Variants in CSMD3 observed in about 807,000 individuals in gnomAD.
CSMD3 encodes CUB and sushi domain-containing protein 3.
Under a neutral mutation model 435.2 loss-of-function variants are expected in CSMD3, and 177 were observed. The ratio of observed to expected loss-of-function variants is 0.41; its 90% CI spans 0.36 to 0.46. The LOEUF (loss-of-function observed/expected upper bound fraction) is 0.46, where lower values mean the gene tolerates loss of function less well. CSMD3 is among the 20% of genes least tolerant of loss of function. The pLI is 0.34. For missense variants in CSMD3, 4,265 were observed against 4,504.6 expected, an observed-to-expected ratio of 0.95 and a Z score of 1.52; for synonymous variants, 1,656 against 1,520.5, an observed-to-expected ratio of 1.09 and a Z score of -2.07.
At chr8:113,059,796 C>T (rs1587987201) in intron 5 of CSMD3, among the ~76,000 whole-genome samples, 1 of 152,066 alleles carries the variant, frequency 6.6e-6, no homozygotes, top group African/African-American at 2.4e-5. Context: ...GCTACTTTTG[C>T]TTCTGGGTGT....
chr8:113,377,885 T>G (rs1022405312), intron 1 of CSMD3, among the ~76,000 whole-genome samples: 9 of 152,184 alleles, frequency 5.9e-5, no homozygotes, highest in African/African-American at 2.2e-4. Flanking sequence ...AAAATATATT[T>G]TCTAAAAAAT....
At chr8:113,282,164 A>C (rs934002074) in intron 2 of CSMD3, among the ~76,000 whole-genome samples, 6 of 152,020 alleles carry the variant, frequency 3.9e-5, no homozygotes, top group Non-Finnish European at 1.5e-5. Context: ...GAGAACTGGA[A>C]CAAGACAAGG....
At chr8:112,461,417 T>C (rs993438935) in intron 32 of CSMD3, among the ~76,000 whole-genome samples, 7 of 152,138 alleles carry the variant, frequency 4.6e-5, no homozygotes, top group Non-Finnish European at 1.0e-4. Flanking sequence ...TATATTAATA[T>C]ATATGTATAA....
intron 4 of CSMD3, among the ~76,000 whole-genome samples, chr8:113,145,346 CA>C (rs1409260370): frequency 6.6e-6 from 1 of 151,488 alleles, no homozygotes; most frequent in Non-Finnish European, 1.5e-5. Flanking sequence ...ATAATTTTAT[CA>C]CAAGTGTTTT....
chr8:112,246,607 A>G (rs1253540758), intron 64 of CSMD3, among the ~76,000 whole-genome samples: 3 of 152,192 alleles, frequency 2.0e-5, no homozygotes, highest in Admixed American at 2.0e-4. Context: ...ATTTCCTTTC[A>G]TAGATGTTGT....
chr8:112,267,523 A>G (rs1040729520), intron 59 of CSMD3, among the ~76,000 whole-genome samples: 1 of 152,036 alleles, frequency 6.6e-6, no homozygotes, highest in Non-Finnish European at 1.5e-5. Context: ...CCTTCAATTT[A>G]TTATTTTATT....
intron 8 of CSMD3, among the ~76,000 whole-genome samples, chr8:112,950,387 A>G (rs1404758163): frequency 2.6e-5 from 4 of 151,960 alleles, no homozygotes. Flanking sequence ...AAGCCTAACT[A>G]CTTTTTTGTA....
At position 113,314,603 on chromosome 8, in the gene CSMD3, A is replaced by G. The variant is rs149462535; in HGVS notation, c.369T>C (p.Asp123=). 40 of 1,607,396 alleles carry G rather than the reference A, an allele frequency of 2.5e-5. No individual in the cohort carries two copies. The African/African-American group carries it at 4.0e-4, about 16-fold the overall frequency. ...EEEYDYLSLY[D]GHPHPTNFRT... Reference sequence around the variant, plus strand: ...TAAAGTTTGTAGGATGAGGATGTCCATCATATAATGATAAGTAGTCGTATT... The same window carrying G: ...TAAAGTTTGTAGGATGAGGATGTCCGTCATATAATGATAAGTAGTCGTATT... The change falls in exon 2 of 71, where the codon GAT becomes GAC. Residue 123 remains aspartate (D), a synonymous_variant. Coordinates refer to ENST00000297405, the MANE Select transcript of CSMD3 (RefSeq NM_198123.2).
intron 45 of CSMD3, among the ~76,000 whole-genome samples, chr8:112,329,554 C>T (rs1236018710): frequency 1.3e-5 from 2 of 152,000 alleles, no homozygotes; most frequent in Non-Finnish European, 2.9e-5. Context: ...AGTCAAATTC[C>T]TTTATCAAGC....
chr8:112,449,808 C>T (rs752000132), intron 32 of CSMD3, among the ~76,000 whole-genome samples: 10 of 152,116 alleles, frequency 6.6e-5, no homozygotes, highest in South Asian at 2.1e-4. Context: ...CTGCATCCTC[C>T]GCCTCCTGGG....
At chr8:112,465,238 C>T (rs747468589) in intron 32 of CSMD3, among the ~76,000 whole-genome samples, 1 of 152,064 alleles carries the variant, frequency 6.6e-6, no homozygotes, top group Non-Finnish European at 1.5e-5. Flanking sequence ...TTCATTCTGT[C>T]GTCTCACATA....
chr8:112,685,754 GA>G (rs1353137698), intron 14 of CSMD3, 22 bp from the exon 15 acceptor site: 1 of 1,402,024 alleles, frequency 7.1e-7, no homozygotes, highest in Admixed American at 1.7e-5. Context: ...GGAAGATTAT[GA>G]AATACAATAA....
rs79437391 is a variant in CSMD3, at chr8:113,294,747, C to T, written c.402-16043G>A. Among the ~76,000 whole-genome samples the T allele has an allele frequency of 2.4e-4, 36 of 151,894 alleles. No individual in the cohort carries two copies. The East Asian group carries it at 7.0e-3, about 29-fold the overall frequency. On this transcript the variant is annotated intron_variant, in intron 2 of 70. Transcript: ENST00000297405. ...TTGACTATCATTTTAAGCTATTTGA[C>T]TGTGAAAAAAAATAAGTTACAGCGT...
intron 40 of CSMD3, among the ~76,000 whole-genome samples, chr8:112,347,221 T>C (rs778146204): frequency 1.3e-5 from 2 of 152,172 alleles, no homozygotes; most frequent in Non-Finnish European, 2.9e-5. Flanking sequence ...CTCAAGTTTT[T>C]AAATATAATT....
rs3047126 is a variant in CSMD3, at chr8:112,827,164, A to AATATATATATATATAT, written c.1859+2506_1859+2521dup. ...TTCTGTATTTTACTAGGTTACCATA[A>AATATATATATATATAT]ATATATATATATATATATATATATA... is the stretch of plus-strand genomic sequence containing the variant. On this transcript the variant is annotated intron_variant, in intron 12 of 70. Coordinates refer to ENST00000297405, the MANE Select transcript of CSMD3 (RefSeq NM_198123.2). 1.9e-3 allele frequency among the ~76,000 whole-genome samples: 154 copies of AATATATATATATATAT among 82,760 alleles called. 1 individual carries two copies. Among genetic ancestry groups the AATATATATATATATAT allele is most frequent in the Admixed American group, 2.3e-3 (13 of 5,688 alleles). The allele number at this position is 82,760 out of a possible 152,430, so 54.3% of individuals were successfully genotyped here.
At chr8:112,461,680 A>G (rs984068153) in intron 32 of CSMD3, among the ~76,000 whole-genome samples, 1 of 152,206 alleles carries the variant, frequency 6.6e-6, no homozygotes, top group Non-Finnish European at 1.5e-5. Flanking sequence ...TAAGAGTGAG[A>G]AAGTTAAAAC....
chr8:112,607,172 A>G (rs1463324775), intron 22 of CSMD3, among the ~76,000 whole-genome samples: 1 of 151,786 alleles, frequency 6.6e-6, no homozygotes, highest in African/African-American at 2.4e-5. Context: ...AATAAATAAA[A>G]TTATAAATGA....
rs374975849 is a variant in CSMD3 at position 112,650,334 on chromosome 8, G to C, written c.3020C>G (p.Thr1007Arg). The C allele has an allele frequency of 1.2e-6, 2 of 1,613,240 alleles. No homozygotes were observed. The highest frequency in any genetic ancestry group is 2.2e-5 in the South Asian group (2 of 91,050). Residue 1007 changes from threonine to arginine, a missense_variant, in exon 19 of 71, where the codon ACG becomes AGG. Around this residue, in one of 3 missense-constraint regions of CSMD3, gnomAD observed 3,255 missense variants for 3,380.2 expected, o/e 0.96. Transcript: ENST00000297405. ...TATGCCAGGGTCCAAACAAGAATAC[G>C]TGTTCACTGTAACACCTGGAAAACA... ...KIHYESVTVN[T>R]YSCLDPGIPV...
At chr8:112,327,460 A>G (rs1205562534) in intron 45 of CSMD3, among the ~76,000 whole-genome samples, 2 of 152,220 alleles carry the variant, frequency 1.3e-5, no homozygotes, top group Non-Finnish European at 2.9e-5. Context: ...AAATGATTAA[A>G]TCATATAAAT....
Sources: allele counts gnomAD v4.1 joint callset (sites outside exome capture counted in the v4.1 genomes callset), GRCh38; gene constraint gnomAD v4.1.1; regional missense constraint gnomAD v4.1.1; transcripts MANE v1.5; gene names NCBI Gene and HGNC (gene_info 2026-07-23, HGNC 2026-07-21).